Variants in RBFOX1 observed in about 807,000 individuals in gnomAD.
The protein encoded by RBFOX1 is RNA binding fox-1 homolog 1.
RBFOX1 carries 8 observed loss-of-function variants against 57.7 expected under a neutral mutation model. The observed-to-expected ratio is 0.14, with a 90% CI of 0.08 to 0.25. The LOEUF is 0.25. Among genes scored for constraint, RBFOX1 ranks in the 10% least tolerant of loss-of-function variants. The pLI, the probability that RBFOX1 is intolerant of heterozygous loss-of-function variation, is 1.00. For missense variants in RBFOX1, 611 were observed against 548.5 expected, an observed-to-expected ratio of 1.11 and a Z score of -1.14; for synonymous variants, 326 against 222.4, an observed-to-expected ratio of 1.47 and a Z score of -4.15.
intron 4 of RBFOX1, among the ~76,000 whole-genome samples, chr16:5,972,791 C>T (rs1431164023): frequency 6.6e-6 from 1 of 152,204 alleles, no homozygotes; most frequent in African/African-American, 2.4e-5. Flanking sequence ...ATCTGTTTGC[C>T]ACCTTCCTGG....
chr16:5,875,691 A>G (rs2057589841), intron 4 of RBFOX1, among the ~76,000 whole-genome samples: 1 of 152,236 alleles, frequency 6.6e-6, no homozygotes, highest in African/African-American at 2.4e-5. Flanking sequence ...ACATGGAAGC[A>G]TCATTCCTAA....
At chr16:5,379,117 G>A (rs1225028912) in intron 1 of RBFOX1, among the ~76,000 whole-genome samples, 1 of 151,550 alleles carries the variant, frequency 6.6e-6, no homozygotes, top group Non-Finnish European at 1.5e-5. Flanking sequence ...TGCATCAACA[G>A]CGTAAGAGAC....
chr16:7,696,516 G>C (rs1237512745), intron 14 of RBFOX1, among the ~76,000 whole-genome samples: 3 of 152,128 alleles, frequency 2.0e-5, no homozygotes, highest in African/African-American at 7.2e-5. Context: ...AGGTTGAAAA[G>C]CAAGTTACTT....
rs575673850 is a variant in RBFOX1 at position 7,381,957 on chromosome 16, C to T, written c.28-136190C>T. Among the ~76,000 whole-genome samples, 5 of 152,292 alleles carry T rather than the reference C, an allele frequency of 3.3e-5. No homozygotes were observed. In the South Asian group the frequency reaches 1.0e-3, roughly 32 times the overall value. ...GTCTCTAGACTTGGCTCACTGTCCC[C>T]TGGGGGATGAAATGTTTCTCCCTTT... On this transcript the variant is annotated intron_variant, in intron 4 of 15. Transcript: ENST00000550418.
chr16:6,567,743 A>G (rs1248572920), intron 2 of RBFOX1, among the ~76,000 whole-genome samples: 1 of 152,122 alleles, frequency 6.6e-6, no homozygotes. Context: ...TCAGGGCCAC[A>G]TTTTTGAGTT....
intron 2 of RBFOX1, among the ~76,000 whole-genome samples, chr16:6,492,615 T>A (rs187572506): frequency 1.3e-5 from 2 of 152,280 alleles, no homozygotes; most frequent in East Asian, 3.9e-4. Flanking sequence ...TATGTACTTT[T>A]GACCCAGCCT....
intron 1 of RBFOX1, among the ~76,000 whole-genome samples, chr16:6,249,187 C>G (rs2097587087): frequency 6.6e-6 from 1 of 152,064 alleles, no homozygotes; most frequent in Non-Finnish European, 1.5e-5. Context: ...AAATGCATGA[C>G]CAGCTATGGG....
At chr16:6,700,110 G>A (rs2061602311) in intron 3 of RBFOX1, among the ~76,000 whole-genome samples, 1 of 151,942 alleles carries the variant, frequency 6.6e-6, no homozygotes, top group African/African-American at 2.4e-5. Flanking sequence ...AAACCAGGTG[G>A]GTACCTGGAA....
chr16:5,575,192 T>A (rs980037016), intron 2 of RBFOX1, among the ~76,000 whole-genome samples: 8 of 152,220 alleles, frequency 5.3e-5, no homozygotes, highest in Non-Finnish European at 1.0e-4. Context: ...CCTAACTTGC[T>A]GTCTCTGAAT....
chr16:5,581,506 A>G (rs1181934442), intron 2 of RBFOX1, among the ~76,000 whole-genome samples: 3 of 152,234 alleles, frequency 2.0e-5, no homozygotes, highest in Admixed American at 6.5e-5. Flanking sequence ...TGTATACACA[A>G]GTAACTAATT....
chr16:6,758,197 C>G (rs111771031), intron 3 of RBFOX1, among the ~76,000 whole-genome samples: 18 of 152,124 alleles, frequency 1.2e-4, no homozygotes, highest in African/African-American at 3.1e-4. Context: ...GATTTGAGAT[C>G]CAAGATAACT....
intron 4 of RBFOX1, among the ~76,000 whole-genome samples, chr16:5,971,584 C>A (rs1263630576): frequency 6.6e-6 from 1 of 152,126 alleles, no homozygotes; most frequent in East Asian, 1.9e-4. Context: ...TGCACTAGCT[C>A]TTGTGGTCTT....
chr16:6,812,269 A>G (rs1262229445), intron 3 of RBFOX1, among the ~76,000 whole-genome samples: 1 of 152,216 alleles, frequency 6.6e-6, no homozygotes, highest in East Asian at 1.9e-4. Flanking sequence ...TCAAAATGAA[A>G]GTATCTCCCT....
intron 4 of RBFOX1, among the ~76,000 whole-genome samples, chr16:7,258,469 C>T (rs1261167762): frequency 1.3e-5 from 2 of 150,940 alleles, no homozygotes; most frequent in African/African-American, 4.8e-5. Flanking sequence ...CCTAAACCCT[C>T]TCTCTCTCTC....
intron 4 of RBFOX1, among the ~76,000 whole-genome samples, chr16:7,146,602 A>G (rs980319303): frequency 6.6e-6 from 1 of 152,124 alleles, no homozygotes; most frequent in Non-Finnish European, 1.5e-5. Flanking sequence ...AGCTTATGAT[A>G]CCCAGCATAT....
chr16:7,102,734 G>A (rs1250695448), intron 4 of RBFOX1, among the ~76,000 whole-genome samples: 1 of 152,072 alleles, frequency 6.6e-6, no homozygotes, highest in African/African-American at 2.4e-5. Context: ...TATAAAGTTT[G>A]GAGACTTAAC....
At chr16:5,702,365 A>C (rs2051083488) in intron 3 of RBFOX1, among the ~76,000 whole-genome samples, 1 of 152,230 alleles carries the variant, frequency 6.6e-6, no homozygotes, top group African/African-American at 2.4e-5. Context: ...ATGAGATAAC[A>C]GCAAGGGAGA....
rs182560518 is a variant in RBFOX1, at chr16:7,267,743, C to G, written c.27+215645C>G. Among the ~76,000 whole-genome samples, 14 of 151,716 alleles carry G rather than the reference C, an allele frequency of 9.2e-5. No homozygotes were observed. The East Asian group carries it at 2.3e-3, about 25-fold the overall frequency. ...TGATAGTGCGTGCCTGTAGTCCCAG[C>G]TACTTGGGAGGCTGAGGTGGGAGAA... On this transcript the variant is annotated intron_variant, in intron 4 of 15. Coordinates refer to ENST00000550418, the MANE Select transcript of RBFOX1 (RefSeq NM_018723.4).
At chr16:7,693,997 G>A (rs1486239602) in intron 14 of RBFOX1, among the ~76,000 whole-genome samples, 1 of 152,178 alleles carries the variant, frequency 6.6e-6, no homozygotes, top group Non-Finnish European at 1.5e-5. Flanking sequence ...ATAGCTGCAT[G>A]ATACGTCCAT....
Sources: allele counts gnomAD v4.1 joint callset (sites outside exome capture counted in the v4.1 genomes callset), GRCh38; gene constraint gnomAD v4.1.1; transcripts MANE v1.5; gene names NCBI Gene and HGNC (gene_info 2026-07-23, HGNC 2026-07-21).